KIDINS220: variants seen among roughly 807,000 people sequenced by gnomAD.
KIDINS220 encodes the protein kinase D-interacting substrate of 220 kDa.
In KIDINS220, 63 loss-of-function variants were observed where a neutral mutation model predicts 157.6. That is an observed-to-expected ratio of 0.40 (90% confidence interval 0.33 to 0.49). The LOEUF (loss-of-function observed/expected upper bound fraction) is 0.49, where lower values mean the gene tolerates loss of function less well. KIDINS220 is among the 20% of genes least tolerant of loss of function. The probability of loss-of-function intolerance (pLI) is 0.66; values close to 1 mark genes in which losing one functional copy is unlikely to be tolerated. For synonymous variants in KIDINS220, 732 were observed against 783.6 expected (o/e 0.93, Z 1.10); for missense variants, 1,772 against 2,171.2 (o/e 0.82, Z 3.65).
chr2:8,788,697 A>G lies in KIDINS220; in HGVS notation c.1737T>C (p.Phe579=), dbSNP rs370859519. The change falls in exon 15 of 30, where the codon TTT becomes TTC. Residue 579 remains phenylalanine, a synonymous_variant. Coordinates refer to ENST00000256707, the MANE Select transcript of KIDINS220 (RefSeq NM_020738.4). ...GYLELLLKLM[F]VNPPELPEQT... Reference sequence around the variant, plus strand: ...GCTCTGGCAACTCAGGTGGATTCACAAACATCAATTTAAGGAGGAGTTCCA... The same window carrying G: ...GCTCTGGCAACTCAGGTGGATTCACGAACATCAATTTAAGGAGGAGTTCCA... The G allele has an allele frequency of 1.1e-4, 177 of 1,614,108 alleles. 1 individual carries two copies. The highest frequency in any genetic ancestry group is 1.4e-4 in the Non-Finnish European group (163 of 1,180,018).
chr2:8,760,019 T>C (rs984645434), intron 22 of KIDINS220, among the ~76,000 whole-genome samples: 4 of 152,224 alleles, frequency 2.6e-5, no homozygotes, highest in African/African-American at 9.6e-5. Context: ...CTTCAAAAGC[T>C]GCTGACTGCT....
intron 9 of KIDINS220, among the ~76,000 whole-genome samples, chr2:8,798,600 C>A (rs563793135): frequency 2.6e-5 from 4 of 152,268 alleles, no homozygotes; most frequent in South Asian, 4.1e-4. Flanking sequence ...GTACCTGAAC[C>A]CTGTAAACTC....
Position 8,751,513 on chromosome 2 carries a change from A to C in KIDINS220, c.3143T>G (p.Leu1048Trp), listed in dbSNP as rs1195957626. Residue 1048 changes from leucine (L) to tryptophan (W), a missense_variant, in exon 23 of 30, where the codon TTG becomes TGG. Leu to Trp is a moderately conservative substitution (Grantham distance 61). This residue lies in a region of KIDINS220 where 725 missense variants were observed against 1,017.1 expected (regional missense o/e 0.71). Transcript: ENST00000256707. ...GGGATCTAGGTTTACAGTGCATGGC[A>C]AAAAGACTTTTACATCTCGAGCCAC... Reference protein sequence around the residue: ...VLVARDVKVFLPCTVNLDPKL... With the variant: ...VLVARDVKVFWPCTVNLDPKL... 2.5e-6 allele frequency: 4 copies of C among 1,613,636 alleles called. No homozygotes were observed. Among genetic ancestry groups the C allele is most frequent in the Non-Finnish European group, 2.5e-6 (3 of 1,179,848 alleles).
intron 22 of KIDINS220, chr2:8,757,736 T>A: frequency 6.2e-7 from 1 of 1,612,460 alleles, no homozygotes; most frequent in Non-Finnish European, 8.5e-7. Flanking sequence ...CAACTAACAC[T>A]GACTTGGAAA....
intron 10 of KIDINS220, among the ~76,000 whole-genome samples, chr2:8,797,136 C>T (rs1432182046): frequency 6.6e-6 from 1 of 152,216 alleles, no homozygotes; most frequent in Non-Finnish European, 1.5e-5. Flanking sequence ...TGCTTCTGCC[C>T]TACCCCAGGT....
intron 3 of KIDINS220, 48 bp from the exon 4 acceptor site, chr2:8,817,764 C>T (rs771684095): frequency 1.6e-5 from 21 of 1,292,692 alleles, no homozygotes; most frequent in Middle Eastern, 1.9e-4. Context: ...AAAAATAACA[C>T]GTCAAAGTAA....
rs938743531 is a variant in KIDINS220, at chr2:8,729,780, T to C, written c.*940A>G. 5.1e-6 allele frequency: 5 copies of C among 982,256 alleles called. No individual in the cohort carries two copies. In the African/African-American group the frequency reaches 8.7e-5, roughly 17 times the overall value. The allele number at this position is 982,256 out of a possible 1,614,324, so 60.8% of individuals were successfully genotyped here. ...AAATATTTCCTTGTCATTTATCAATTGTCACTGACCTTTTTGATGTAATTA... is the reference window on the plus strand; with the variant it reads ...AAATATTTCCTTGTCATTTATCAATCGTCACTGACCTTTTTGATGTAATTA... On this transcript the variant is annotated 3_prime_UTR_variant, in exon 30 of 30. Coordinates refer to ENST00000256707, the MANE Select transcript of KIDINS220 (RefSeq NM_020738.4).
intron 22 of KIDINS220, among the ~76,000 whole-genome samples, chr2:8,766,935 G>A (rs1444868444): frequency 6.6e-6 from 1 of 152,172 alleles, no homozygotes; most frequent in Admixed American, 6.5e-5. Context: ...TGCAAAGCCA[G>A]AAATGCACAT....
At chr2:8,774,902 G>T (rs760499797) in intron 21 of KIDINS220, among the ~76,000 whole-genome samples, 1 of 152,132 alleles carries the variant, frequency 6.6e-6, no homozygotes, top group Non-Finnish European at 1.5e-5. Context: ...TGGAGAATAG[G>T]CTGTAGAGAG....
intron 2 of KIDINS220, among the ~76,000 whole-genome samples, chr2:8,823,071 G>C (rs1236928625): frequency 6.6e-6 from 1 of 152,032 alleles, no homozygotes; most frequent in Non-Finnish European, 1.5e-5. Context: ...GAACTCCTGG[G>C]GTCAAGCAAT....
intron 6 of KIDINS220, among the ~76,000 whole-genome samples, chr2:8,810,810 G>T (rs1264913589): frequency 6.6e-6 from 1 of 151,906 alleles, no homozygotes; most frequent in Non-Finnish European, 1.5e-5. Context: ...TCCATCAACA[G>T]ACAAAACTGT....
downstream of KIDINS220, chr2:8,721,719 G>A (rs975870982): frequency 1.4e-4 from 21 of 152,306 alleles, no homozygotes; most frequent in African/African-American, 3.9e-4. Context: ...AAGAGTGGGC[G>A]GCACCTGGAG....
At chr2:8,759,747 A>G (rs901414317) in intron 22 of KIDINS220, among the ~76,000 whole-genome samples, 2 of 151,940 alleles carry the variant, frequency 1.3e-5, no homozygotes, top group African/African-American at 4.8e-5. Flanking sequence ...CTCTTCTTAT[A>G]TAAACTCTAA....
At chr2:8,733,732 G>T in intron 28 of KIDINS220, 52 bp from the exon 29 acceptor site, 1 of 1,203,494 alleles carries the variant, frequency 8.3e-7, no homozygotes, top group Non-Finnish European at 1.1e-6. Context: ...TATTTTAGAA[G>T]CTTTAGAAAT....
At chr2:8,811,174 T>G (rs1056549651) in intron 6 of KIDINS220, among the ~76,000 whole-genome samples, 1 of 152,172 alleles carries the variant, frequency 6.6e-6, no homozygotes, top group Non-Finnish European at 1.5e-5. Flanking sequence ...AAACAAATCT[T>G]TAAGTAATAG....
chr2:8,786,487 C>T, intron 15 of KIDINS220, 130 bp from the exon 16 acceptor site: 1 of 769,322 alleles, frequency 1.3e-6, no homozygotes, highest in Non-Finnish European at 2.1e-6. Context: ...TTTTTAAATT[C>T]CAAGGAGGGA....
intron 8 of KIDINS220, 65 bp from the exon 9 acceptor site, chr2:8,800,563 G>A: frequency 3.7e-6 from 4 of 1,092,754 alleles, no homozygotes; most frequent in South Asian, 1.5e-5. Flanking sequence ...CTCTTTTTAA[G>A]TTACAGTTAA....
chr2:8,735,040 C>T (rs1255981249), intron 27 of KIDINS220, among the ~76,000 whole-genome samples: 1 of 152,160 alleles, frequency 6.6e-6, no homozygotes, highest in Non-Finnish European at 1.5e-5. Context: ...TGAGCAACAA[C>T]AAAACTGTTA....
rs1382618441 is a variant in KIDINS220, at chr2:8,733,391, C to T, written c.4053+53G>A. 7 of 1,422,974 alleles carry T rather than the reference C, an allele frequency of 4.9e-6. No individual in the cohort carries two copies. In the African/African-American group the frequency reaches 7.0e-5, roughly 14 times the overall value. 88.1% of individuals were successfully genotyped at this position (1,422,974 alleles called of 1,614,324 possible). ...TAAATGCCCATATAATCTCAGTGAA[C>T]TGAACGGTGTGCTTATTCTTCAATA... On this transcript the variant is annotated intron_variant, in intron 29 of 29. Coordinates refer to ENST00000256707, the MANE Select transcript of KIDINS220 (RefSeq NM_020738.4).
Sources: allele counts gnomAD v4.1 joint callset (sites outside exome capture counted in the v4.1 genomes callset), GRCh38; gene constraint gnomAD v4.1.1; regional missense constraint gnomAD v4.1.1; transcripts MANE v1.5; gene names NCBI Gene and HGNC (gene_info 2026-07-23, HGNC 2026-07-21).